SYNPR: variants seen among roughly 807,000 people sequenced by gnomAD.
SYNPR encodes the protein synaptoporin.
In SYNPR, 23 loss-of-function variants were observed where a neutral mutation model predicts 32.9. That is an observed-to-expected ratio of 0.70 (90% CI 0.50 to 0.99). The LOEUF is 0.99. Ranked by LOEUF, SYNPR falls within the 50% of genes least tolerant of loss-of-function variation. The pLI, the probability that SYNPR is intolerant of heterozygous loss-of-function variation, is 0.00. For missense variants in SYNPR, 318 were observed against 349.3 expected (o/e 0.91, Z 0.71); for synonymous variants, 146 against 135.9 (o/e 1.07, Z -0.52).
chr3:63,285,097 A>C (rs2086668349), intron 2 of SYNPR, among the ~76,000 whole-genome samples: 1 of 152,248 alleles, frequency 6.6e-6, no homozygotes, highest in African/African-American at 2.4e-5. Context: ...GAAGCTTTAA[A>C]AAGCAGATGT....
chr3:63,553,680 T>C (rs1702541233), intron 3 of SYNPR, among the ~76,000 whole-genome samples: 1 of 151,798 alleles, frequency 6.6e-6, no homozygotes, highest in Non-Finnish European at 1.5e-5. Flanking sequence ...AAGATGAGTA[T>C]TTTTTAATAT....
At chr3:63,568,245 T>C (rs1353654534) in intron 4 of SYNPR, among the ~76,000 whole-genome samples, 2 of 152,216 alleles carry the variant, frequency 1.3e-5, no homozygotes. Context: ...ATTTTACAGA[T>C]GTTGAATCCA....
chr3:63,499,404 G>T (rs1208982750), intron 3 of SYNPR, among the ~76,000 whole-genome samples: 1 of 152,106 alleles, frequency 6.6e-6, no homozygotes, highest in Non-Finnish European at 1.5e-5. Flanking sequence ...GTAGAAAGCT[G>T]CACCAGACCA....
intron 4 of SYNPR, among the ~76,000 whole-genome samples, chr3:63,603,555 G>A (rs1700074671): frequency 6.6e-6 from 1 of 152,056 alleles, no homozygotes; most frequent in African/African-American, 2.4e-5. Context: ...TAACATGAAG[G>A]GAAGTTGAAT....
chr3:63,584,388 G>A (rs2106866538), intron 4 of SYNPR, among the ~76,000 whole-genome samples: 1 of 152,088 alleles, frequency 6.6e-6, no homozygotes, highest in East Asian at 1.9e-4. Flanking sequence ...GGGAAGTAGT[G>A]GAGGGAGGAA....
intron 2 of SYNPR, among the ~76,000 whole-genome samples, chr3:63,297,752 G>T (rs769193777): frequency 4.6e-5 from 7 of 152,084 alleles, no homozygotes; most frequent in Non-Finnish European, 8.8e-5. Flanking sequence ...CTAGGGAATG[G>T]GTGCTGCTGA....
chr3:63,298,777 A>T (rs897288367), intron 2 of SYNPR, among the ~76,000 whole-genome samples: 1 of 152,156 alleles, frequency 6.6e-6, no homozygotes, highest in Non-Finnish European at 1.5e-5. Context: ...CAGGGAATGG[A>T]AGTAAAGCAA....
chr3:63,614,037 C>T (rs1432478521), intron 5 of SYNPR, among the ~76,000 whole-genome samples: 1 of 120,302 alleles, frequency 8.3e-6, no homozygotes, highest in Non-Finnish European at 1.9e-5. Context: ...CCCTCTGCCA[C>T]CACTACCCAC....
intron 2 of SYNPR, among the ~76,000 whole-genome samples, chr3:63,412,721 G>T (rs1388870526): frequency 6.6e-6 from 1 of 152,140 alleles, no homozygotes; most frequent in African/African-American, 2.4e-5. Flanking sequence ...GATGAAGGAA[G>T]AGAGTTGGAA....
At chr3:63,584,159 C>T (rs1703142219) in intron 4 of SYNPR, among the ~76,000 whole-genome samples, 1 of 152,090 alleles carries the variant, frequency 6.6e-6, no homozygotes, top group Admixed American at 6.6e-5. Flanking sequence ...CAATGAATGA[C>T]TCCAGCCTTG....
At chr3:63,511,557 C>G (rs1028558171) in intron 3 of SYNPR, among the ~76,000 whole-genome samples, 7 of 152,142 alleles carry the variant, frequency 4.6e-5, no homozygotes, top group Admixed American at 3.3e-4. Context: ...CTAGGACGAG[C>G]TTGTGCTTTT....
intron 4 of SYNPR, among the ~76,000 whole-genome samples, chr3:63,574,169 G>A (rs1190605362): frequency 6.6e-6 from 1 of 152,290 alleles, no homozygotes; most frequent in Non-Finnish European, 1.5e-5. Context: ...TGGGGAGCAA[G>A]TCCCTTTGAA....
intron 2 of SYNPR, among the ~76,000 whole-genome samples, chr3:63,413,008 G>A (rs1420574656): frequency 6.6e-6 from 1 of 152,076 alleles, no homozygotes; most frequent in African/African-American, 2.4e-5. Flanking sequence ...TGCCTTCAGG[G>A]TTCCAAGTGT....
chr3:63,269,284 T>C (rs1231966756), intron 3 of SYNPR, among the ~76,000 whole-genome samples: 2 of 151,656 alleles, frequency 1.3e-5, no homozygotes, highest in East Asian at 1.9e-4. Context: ...AGGCCAGGAG[T>C]TCAAGACCAA....
chr3:63,459,925 A>T (rs1038177398), intron 2 of SYNPR, among the ~76,000 whole-genome samples: 2 of 151,730 alleles, frequency 1.3e-5, no homozygotes, highest in Non-Finnish European at 2.9e-5. Context: ...TCAGCACTAA[A>T]TCCTGTCCAT....
chr3:63,253,056 A>C (rs953341755), intron 2 of SYNPR, among the ~76,000 whole-genome samples: 2 of 151,056 alleles, frequency 1.3e-5, no homozygotes, highest in African/African-American at 4.9e-5. Flanking sequence ...AAAAAAAAAA[A>C]AGAATAGTTC....
the SYNPR span, among the ~76,000 whole-genome samples, chr3:63,218,615 C>G: frequency 6.6e-6 from 1 of 152,148 alleles, no homozygotes; most frequent in African/African-American, 2.4e-5. Context: ...CTTTTTGCCT[C>G]TTAAGAAAGT....
intron 2 of SYNPR, among the ~76,000 whole-genome samples, chr3:63,447,845 C>T (rs1283094344): frequency 6.6e-6 from 1 of 151,968 alleles, no homozygotes; most frequent in Non-Finnish European, 1.5e-5. Context: ...AAAGCTTACT[C>T]ACAACACAGG....
intron 3 of SYNPR, among the ~76,000 whole-genome samples, chr3:63,489,196 C>A (rs992883834): frequency 6.6e-6 from 1 of 152,142 alleles, no homozygotes; most frequent in African/African-American, 2.4e-5. Flanking sequence ...CCATTGGCAA[C>A]TGGGGCACCT....
Sources: allele counts gnomAD v4.1 joint callset (sites outside exome capture counted in the v4.1 genomes callset), GRCh38; gene constraint gnomAD v4.1.1; transcripts MANE v1.5; gene names NCBI Gene and HGNC (gene_info 2026-07-23, HGNC 2026-07-21).